Variants in MACROD2 observed in about 807,000 individuals in gnomAD.
MACROD2 encodes the protein ADP-ribose glycohydrolase MACROD2.
In MACROD2, 36 loss-of-function variants were observed where a neutral mutation model predicts 70.4. The ratio of observed to expected loss-of-function variants is 0.51; its 90% CI spans 0.39 to 0.68. The LOEUF (loss-of-function observed/expected upper bound fraction) is 0.68. MACROD2 is among the 30% of genes least tolerant of loss of function. MACROD2 has a pLI of 0.00. For synonymous variants in MACROD2, 172 were observed against 178.8 expected, an observed-to-expected ratio of 0.96 and a Z score of 0.30; for missense variants, 496 against 538.4, an observed-to-expected ratio of 0.92 and a Z score of 0.78.
In MACROD2 at chr20:15,276,399, C is replaced by CAAAA. The variant is rs1181200009; in HGVS notation, c.540+46342_540+46345dup. Among the ~76,000 whole-genome samples the CAAAA allele has an allele frequency of 1.7e-3, 99 of 59,644 alleles. 1 individual carries two copies. Among genetic ancestry groups the CAAAA allele is most frequent in the Non-Finnish European group, 4.0e-3 (91 of 22,996 alleles). The allele number at this position is 59,644 out of a possible 152,430, so 39.1% of individuals were successfully genotyped here. A position where few individuals can be genotyped will look rare whatever the true frequency, so the allele number is the denominator to read the frequency against. On this transcript the variant is annotated intron_variant, in intron 6 of 17. Transcript: ENST00000684519. The stretch of plus-strand genomic sequence containing the variant: ...TGGGCGACAGAGAGAGACTCCCTCT[C>CAAAA]AAAAAAATAAAAAAATAAAAAAATC...
At position 15,445,781 on chromosome 20, in the gene MACROD2, G is replaced by A. The variant is rs547970973; in HGVS notation, c.571+14346G>A. ...CCTAGATCCTTATTTTCCTGGCTGGGAAAAATGAGACCCAGAGTTGCTGAG... is the reference window on the plus strand; with the variant it reads ...CCTAGATCCTTATTTTCCTGGCTGGAAAAAATGAGACCCAGAGTTGCTGAG... On this transcript the variant is annotated intron_variant, in intron 7 of 17. Coordinates refer to ENST00000684519, the MANE Select transcript of MACROD2 (RefSeq NM_001351661.2). Among the ~76,000 whole-genome samples, 5 of 152,204 alleles carry A rather than the reference G, an allele frequency of 3.3e-5. No homozygotes were observed. In the South Asian group the frequency reaches 1.0e-3, roughly 32 times the overall value.
chr20:15,642,180 T>C (rs1174637310), intron 8 of MACROD2, among the ~76,000 whole-genome samples: 2 of 152,136 alleles, frequency 1.3e-5, no homozygotes, highest in Admixed American at 6.5e-5. Context: ...CACAAAATAA[T>C]AGAAGTTTTG....
intron 7 of MACROD2, among the ~76,000 whole-genome samples, chr20:15,449,475 C>A (rs921603118): frequency 1.3e-5 from 2 of 152,136 alleles, no homozygotes; most frequent in African/African-American, 4.8e-5. Flanking sequence ...TGGTAAAAAT[C>A]TCTTCCCAAT....
At chr20:15,626,880 A>T (rs1378744495) in intron 8 of MACROD2, among the ~76,000 whole-genome samples, 1 of 151,684 alleles carries the variant, frequency 6.6e-6, no homozygotes, top group Admixed American at 6.6e-5. Context: ...AAAATTGCAA[A>T]TGACTGTAAT....
chr20:15,872,404 A>G (rs1352490661), intron 9 of MACROD2, among the ~76,000 whole-genome samples: 2 of 152,200 alleles, frequency 1.3e-5, no homozygotes, highest in Non-Finnish European at 2.9e-5. Context: ...TAATGAGGTC[A>G]ACAGAGACAA....
chr20:15,178,515 C>G lies in MACROD2; in HGVS notation c.419-51425C>G, dbSNP rs150383298. On this transcript the variant is annotated intron_variant, in intron 5 of 17. Coordinates refer to ENST00000684519, the MANE Select transcript of MACROD2 (RefSeq NM_001351661.2). Reference sequence around the variant, plus strand: ...CCAGCACCTATGCATGCATATAACCCTTGCTCTAAGTTGTTACGCTAGAGC... The same window carrying G: ...CCAGCACCTATGCATGCATATAACCGTTGCTCTAAGTTGTTACGCTAGAGC... 4.3e-4 allele frequency among the ~76,000 whole-genome samples: 66 copies of G among 152,290 alleles called. No individual in the cohort carries two copies. The East Asian group carries it at 0.012, about 27-fold the overall frequency.
intron 15 of MACROD2, among the ~76,000 whole-genome samples, chr20:15,998,564 CTTTT>C (rs34750465): frequency 3.4e-5 from 4 of 117,518 alleles, no homozygotes; most frequent in African/African-American, 3.1e-5. Flanking sequence ...TGAGTTCTCT[CTTTT>C]TTTTTTTTTT....
At chr20:14,648,254 G>T (rs933004879) in intron 4 of MACROD2, among the ~76,000 whole-genome samples, 2 of 152,176 alleles carry the variant, frequency 1.3e-5, no homozygotes, top group African/African-American at 2.4e-5. Context: ...GGCCTGTAAA[G>T]TAGAGTGGGT....
At chr20:15,422,445 G>A (rs1017899610) in intron 6 of MACROD2, among the ~76,000 whole-genome samples, 3 of 151,836 alleles carry the variant, frequency 2.0e-5, no homozygotes, top group Non-Finnish European at 2.9e-5. Flanking sequence ...CTCTTTATAC[G>A]AGATAAAGAA....
intron 3 of MACROD2, among the ~76,000 whole-genome samples, chr20:14,225,045 T>A (rs2081719340): frequency 6.6e-6 from 1 of 152,224 alleles, no homozygotes; most frequent in African/African-American, 2.4e-5. Flanking sequence ...TTGGGGGAAG[T>A]TTCTTTCAGG....
chr20:15,976,817 GAGACAGGTTT>G (rs1352933079), intron 13 of MACROD2, among the ~76,000 whole-genome samples: 1 of 152,204 alleles, frequency 6.6e-6, no homozygotes, highest in Non-Finnish European at 1.5e-5. Flanking sequence ...ATCAAGAGTA[GAGACAGGTTT>G]AGAGGGCAAG....
At chr20:14,242,214 T>A (rs1349908378) in intron 3 of MACROD2, among the ~76,000 whole-genome samples, 1 of 152,214 alleles carries the variant, frequency 6.6e-6, no homozygotes, top group Non-Finnish European at 1.5e-5. Flanking sequence ...TGGATTCATC[T>A]TCCTATCTGA....
intron 5 of MACROD2, among the ~76,000 whole-genome samples, chr20:14,751,738 G>C (rs2071873897): frequency 6.6e-6 from 1 of 152,066 alleles, no homozygotes; most frequent in African/African-American, 2.4e-5. Context: ...GATCCTACAT[G>C]CCATCAATTT....
chr20:15,228,699 A>T (rs2076933582), intron 5 of MACROD2, among the ~76,000 whole-genome samples: 1 of 152,112 alleles, frequency 6.6e-6, no homozygotes. Flanking sequence ...CATGTTGGCC[A>T]GGATGGTCTC....
intron 8 of MACROD2, among the ~76,000 whole-genome samples, chr20:15,531,139 G>A (rs1000343876): frequency 4.6e-5 from 7 of 151,322 alleles, no homozygotes; most frequent in Admixed American, 1.3e-4. Flanking sequence ...AAATGAAATC[G>A]ATAAATGTAT....
At chr20:14,045,405 A>G (rs777321330) in intron 2 of MACROD2, among the ~76,000 whole-genome samples, 11 of 152,362 alleles carry the variant, frequency 7.2e-5, no homozygotes, top group Middle Eastern at 3.4e-3. Context: ...AGTTTCCACT[A>G]AAAACTTGTG....
chr20:14,218,191 C>T (rs941408387), intron 3 of MACROD2, among the ~76,000 whole-genome samples: 1 of 152,156 alleles, frequency 6.6e-6, no homozygotes, highest in Admixed American at 6.5e-5. Context: ...AATTTGGGAG[C>T]CCCAGTGTTA....
chr20:14,651,797 G>T (rs1476646886), intron 4 of MACROD2, among the ~76,000 whole-genome samples: 1 of 152,088 alleles, frequency 6.6e-6, no homozygotes, highest in East Asian at 1.9e-4. Context: ...CTTCCTGTGG[G>T]GACTGCCGAC....
intron 5 of MACROD2, among the ~76,000 whole-genome samples, chr20:14,794,784 C>T (rs2072491791): frequency 1.3e-5 from 2 of 152,004 alleles, no homozygotes; most frequent in South Asian, 2.1e-4. Context: ...ACAAGACCGC[C>T]AAGGTCTCAG....
Sources: gnomAD v4.1 joint callset for allele counts (sites outside exome capture counted in the v4.1 genomes callset) on GRCh38, gnomAD v4.1.1 for gene constraint, MANE v1.5 for transcripts, NCBI Gene and HGNC (gene_info 2026-07-23, HGNC 2026-07-21) for gene names.